The following SPAG16 variants were observed in gnomAD, a reference collection of about 807,000 sequenced individuals.
The protein encoded by SPAG16 is sperm associated antigen 16.
A neutral mutation model predicts 80.4 loss-of-function variants in SPAG16; 86 were observed. The observed-to-expected ratio is 1.07, with a 90% CI of 0.90 to 1.28. The LOEUF is 1.28. Among genes scored for constraint, SPAG16 ranks in the 50% most tolerant of loss-of-function variants. The pLI, the probability that SPAG16 is intolerant of heterozygous loss-of-function variation, is 0.00. For missense variants in SPAG16, 870 were observed against 765.3 expected (o/e 1.14, Z -1.61); for synonymous variants, 294 against 265.9 (o/e 1.11, Z -1.03).
chr2:214,224,957 G>C (rs1234388178), intron 15 of SPAG16, among the ~76,000 whole-genome samples: 2 of 152,096 alleles, frequency 1.3e-5, no homozygotes, highest in East Asian at 1.9e-4. Context: ...AACAGATAAT[G>C]GTTGCTGTTG....
intron 10 of SPAG16, among the ~76,000 whole-genome samples, chr2:213,750,238 T>C (rs1433749070): frequency 2.0e-5 from 3 of 152,210 alleles, no homozygotes; most frequent in Admixed American, 6.5e-5. Context: ...TGCAAGCACA[T>C]ATTTGCCTTA....
intron 12 of SPAG16, among the ~76,000 whole-genome samples, chr2:214,003,751 A>G (rs1490727995): frequency 1.3e-5 from 2 of 152,226 alleles, no homozygotes; most frequent in South Asian, 2.1e-4. Context: ...TTTATTTAAT[A>G]TATATAGTTG....
intron 10 of SPAG16, among the ~76,000 whole-genome samples, chr2:213,516,107 C>T (rs1471839902): frequency 1.3e-5 from 2 of 152,126 alleles, no homozygotes; most frequent in Non-Finnish European, 2.9e-5. Context: ...GTGTTACCCC[C>T]AGTGTTGGCA....
At chr2:214,189,976 G>A (rs993014170) in intron 15 of SPAG16, among the ~76,000 whole-genome samples, 4 of 151,954 alleles carry the variant, frequency 2.6e-5, no homozygotes, top group African/African-American at 9.7e-5. Context: ...AATTTTAATT[G>A]ACTGAACCAG....
chr2:213,448,455 T>C (rs1033497773), intron 9 of SPAG16, among the ~76,000 whole-genome samples: 2 of 152,212 alleles, frequency 1.3e-5, no homozygotes, highest in Admixed American at 6.5e-5. Context: ...ATTAAGTCTA[T>C]TGGGGGCCCC....
intron 4 of SPAG16, among the ~76,000 whole-genome samples, chr2:213,313,988 C>T (rs902961737): frequency 2.6e-5 from 4 of 151,838 alleles, no homozygotes; most frequent in Non-Finnish European, 4.4e-5. Context: ...TCTTTTACAT[C>T]CTATGCCTTG....
At chr2:213,410,639 C>G (rs1299983122) in intron 9 of SPAG16, among the ~76,000 whole-genome samples, 1 of 152,192 alleles carries the variant, frequency 6.6e-6, no homozygotes, top group Non-Finnish European at 1.5e-5. Context: ...AAGACTTAAA[C>G]TTTGGCAATT....
At chr2:213,288,558 G>T (rs1458871487) in intron 1 of SPAG16, among the ~76,000 whole-genome samples, 2 of 151,464 alleles carry the variant, frequency 1.3e-5, no homozygotes, top group African/African-American at 4.9e-5. Context: ...TGATCCATCC[G>T]CCTCAGCCTC....
chr2:214,242,305 G>A (rs902215906), intron 15 of SPAG16, among the ~76,000 whole-genome samples: 4 of 152,120 alleles, frequency 2.6e-5, no homozygotes, highest in Admixed American at 6.6e-5. Flanking sequence ...TTCAGTGTGG[G>A]CTGGACTATC....
At chr2:214,262,437 A>T (rs550854699) in intron 15 of SPAG16, among the ~76,000 whole-genome samples, 3 of 152,062 alleles carry the variant, frequency 2.0e-5, no homozygotes, top group Non-Finnish European at 4.4e-5. Flanking sequence ...AGTCTTTGTT[A>T]TCATTATCTT....
chr2:213,748,335 C>T (rs2067926056), intron 10 of SPAG16, among the ~76,000 whole-genome samples: 1 of 151,936 alleles, frequency 6.6e-6, no homozygotes, highest in Admixed American at 6.6e-5. Flanking sequence ...CTGGAATGAA[C>T]ATTTGTTCAT....
chr2:214,346,180 A>C (rs551894346), intron 15 of SPAG16, among the ~76,000 whole-genome samples: 1 of 152,302 alleles, frequency 6.6e-6, no homozygotes, highest in South Asian at 2.1e-4. Flanking sequence ...TTTCAAAAAC[A>C]GTTTTGTCAG....
chr2:214,167,937 C>A (rs2125624232), intron 15 of SPAG16, among the ~76,000 whole-genome samples: 1 of 150,028 alleles, frequency 6.7e-6, no homozygotes, highest in African/African-American at 2.4e-5. Flanking sequence ...TGGGCAAATT[C>A]CTTAATTTTT....
intron 11 of SPAG16, among the ~76,000 whole-genome samples, chr2:213,881,390 T>C (rs2114640): frequency 0.59 from 90,213 of 151,860 alleles, 28,669 homozygotes; most frequent in South Asian, 0.85. Flanking sequence ...TTTTCCTATA[T>C]GTAGGATCAT....
At chr2:213,516,330 A>G (rs2075420934) in intron 10 of SPAG16, among the ~76,000 whole-genome samples, 2 of 152,206 alleles carry the variant, frequency 1.3e-5, no homozygotes, top group Non-Finnish European at 1.5e-5. Flanking sequence ...CTTCCCTTCA[A>G]TAAGTGCCCA....
At chr2:214,176,241 A>G (rs1341133552) in intron 15 of SPAG16, among the ~76,000 whole-genome samples, 1 of 151,354 alleles carries the variant, frequency 6.6e-6, no homozygotes, top group Non-Finnish European at 1.5e-5. Context: ...CTAAGTAGAT[A>G]AATGTTAAGA....
At chr2:213,722,664 A>G (rs1194463317) in intron 10 of SPAG16, among the ~76,000 whole-genome samples, 1 of 152,180 alleles carries the variant, frequency 6.6e-6, no homozygotes, top group African/African-American at 2.4e-5. Flanking sequence ...GGTTTAGGAC[A>G]AGCAATCCAG....
At chr2:213,441,267 T>G (rs909107221) in intron 9 of SPAG16, among the ~76,000 whole-genome samples, 7 of 152,202 alleles carry the variant, frequency 4.6e-5, no homozygotes, top group African/African-American at 1.7e-4. Context: ...GTCCTATCAG[T>G]GGTAGAATAA....
chr2:213,404,526 T>C (rs1026690573), intron 9 of SPAG16, among the ~76,000 whole-genome samples: 8 of 152,110 alleles, frequency 5.3e-5, no homozygotes, highest in African/African-American at 1.9e-4. Context: ...TGAAACTGGA[T>C]CCCTTCCTCA....
Sources: allele counts gnomAD v4.1 joint callset (sites outside exome capture counted in the v4.1 genomes callset), GRCh38; gene constraint gnomAD v4.1.1; transcripts MANE v1.5; gene names NCBI Gene and HGNC (gene_info 2026-07-23, HGNC 2026-07-21).